The following ZGPAT variants were observed in gnomAD, a reference collection of about 807,000 sequenced individuals.
The protein encoded by ZGPAT is zinc finger CCCH-type with G patch domain-containing protein.
In ZGPAT, 39 loss-of-function variants were observed where a neutral mutation model predicts 47.9. The observed-to-expected ratio is 0.81, with a 90% CI of 0.63 to 1.06. The LOEUF is 1.06. Among genes scored for constraint, ZGPAT ranks in the 50% least tolerant of loss-of-function variants. The pLI, the probability that ZGPAT is intolerant of heterozygous loss-of-function variation, is 0.00. For synonymous variants in ZGPAT, 348 were observed against 292.9 expected, an observed-to-expected ratio of 1.19 and a Z score of -1.92; for missense variants, 717 against 681.4, an observed-to-expected ratio of 1.05 and a Z score of -0.58.
At chr20:63,720,159 A>G (rs2145660682) in intron 2 of ZGPAT, among the ~76,000 whole-genome samples, 1 of 150,196 alleles carries the variant, frequency 6.7e-6, no homozygotes, top group East Asian at 2.0e-4. Flanking sequence ...ATTTTTTTTA[A>G]TTTTCTTTTT....
In ZGPAT at chr20:63,723,925, G is replaced by A. The variant is rs151229819; in HGVS notation, c.585-9294G>A. The stretch of plus-strand genomic sequence containing the variant: ...TCTCCACCAAAATTACAAAAAATTA[G>A]TCTGGCATGGTGGCACGCGCCTGTA... On this transcript the variant is annotated intron_variant, in intron 2 of 6. Transcript: ENST00000355969. Among the ~76,000 whole-genome samples the A allele has an allele frequency of 2.4e-3, 364 of 152,006 alleles. 1 individual carries two copies. The highest frequency in any genetic ancestry group is 8.4e-3 in the African/African-American group (347 of 41,448).
At chr20:63,732,722 GTA>G (rs544332580) in intron 2 of ZGPAT, among the ~76,000 whole-genome samples, 99 of 151,344 alleles carry the variant, frequency 6.5e-4, no homozygotes, top group South Asian at 4.8e-3. Flanking sequence ...TTGTGTATGT[GTA>G]TATGTGTATG....
At chr20:63,729,341 C>G (rs2091874582) in intron 2 of ZGPAT, among the ~76,000 whole-genome samples, 1 of 152,158 alleles carries the variant, frequency 6.6e-6, no homozygotes, top group Admixed American at 6.5e-5. Context: ...ATATTCGATT[C>G]AACGACCTCT....
chr20:63,713,664 A>G (rs2091694636), intron 2 of ZGPAT, among the ~76,000 whole-genome samples: 1 of 151,472 alleles, frequency 6.6e-6, no homozygotes, highest in Non-Finnish European at 1.5e-5. Context: ...TGTGGTCAGG[A>G]GTTCGAGACC....
At chr20:63,724,493 G>A (rs1214549180) in intron 2 of ZGPAT, among the ~76,000 whole-genome samples, 2 of 151,970 alleles carry the variant, frequency 1.3e-5, no homozygotes, top group South Asian at 2.1e-4. Flanking sequence ...ACCAGCCTGG[G>A]CAACATAGCG....
chr20:63,717,493 GT>G (rs2091743170), intron 2 of ZGPAT, among the ~76,000 whole-genome samples: 1 of 151,866 alleles, frequency 6.6e-6, no homozygotes, highest in South Asian at 2.1e-4. Flanking sequence ...CGGCCAAGGT[GT>G]TTCTTTTTGA....
chr20:63,708,158 C>G (rs2091588003), intron 1 of ZGPAT, 40 bp downstream of exon 1: 1 of 152,516 alleles, frequency 6.6e-6, no homozygotes, highest in African/African-American at 2.4e-5. Context: ...GCTGGGAAAC[C>G]GCGCGGAGGA....
At chr20:63,709,408 C>T (rs1250245232) in intron 2 of ZGPAT, among the ~76,000 whole-genome samples, 8 of 152,150 alleles carry the variant, frequency 5.3e-5, no homozygotes, top group Admixed American at 3.3e-4. Context: ...GAAGCCGAGG[C>T]GGGCAGATCA....
rs910632990 is a variant in ZGPAT at position 63,736,069 on chromosome 20, A to G, written c.*150A>G. 12 of 1,131,178 alleles carry G rather than the reference A, an allele frequency of 1.1e-5. No individual in the cohort carries two copies. The highest frequency in any genetic ancestry group is 1.5e-5 in the Non-Finnish European group (12 of 807,606). The allele number at this position is 1,131,178 out of a possible 1,614,324, so 70.1% of individuals were successfully genotyped here. ...CAGAGCTGCGGGGTCCCATCTGGAC[A>G]CTTACTTGCCCACCTGCCAGTGTCT... On this transcript the variant is annotated 3_prime_UTR_variant, in exon 7 of 7. Coordinates refer to ENST00000355969, the MANE Select transcript of ZGPAT (RefSeq NM_181485.3).
At position 63,733,276 on chromosome 20, in the gene ZGPAT, C is replaced by G; in HGVS notation, c.642C>G (p.Asp214Glu). ...LDELRPFQDP[D>E]LSSLQAGSAC... ...AGCTGCGCCCCTTCCAGGACCCAGA[C>G]CTGAGCTCCCTGCAGGCCGGCTCTG... The change falls in exon 3 of 7, where the codon GAC becomes GAG. Residue 214 changes from aspartate to glutamate, a missense_variant. Asp to Glu is a conservative substitution (Grantham distance 45). Coordinates refer to ENST00000355969, the MANE Select transcript of ZGPAT (RefSeq NM_181485.3). 1 of 1,613,818 alleles carries G rather than the reference C, an allele frequency of 6.2e-7. No individual in the cohort carries two copies. Among genetic ancestry groups the G allele is most frequent in the Non-Finnish European group, 8.5e-7 (1 of 1,179,978 alleles).
intron 2 of ZGPAT, among the ~76,000 whole-genome samples, chr20:63,710,866 T>A (rs2145636444): frequency 6.6e-6 from 1 of 152,342 alleles, no homozygotes; most frequent in Middle Eastern, 3.4e-3. Context: ...CTGTAATGTC[T>A]CTATTTCCCT....
chr20:63,713,834 G>A (rs1245625130), intron 2 of ZGPAT, among the ~76,000 whole-genome samples: 1 of 148,096 alleles, frequency 6.8e-6, no homozygotes. Context: ...TCGCGCCATT[G>A]CACTCCAGCT....
At chr20:63,727,248 C>CA (rs2091854914) in intron 2 of ZGPAT, among the ~76,000 whole-genome samples, 1 of 132,224 alleles carries the variant, frequency 7.6e-6, no homozygotes, top group African/African-American at 2.7e-5. Context: ...TTCTTTTTTT[C>CA]TTTTTTTTTT....
rs148690027 is a variant in ZGPAT at position 63,709,122 on chromosome 20, C to G, written c.542C>G (p.Pro181Arg). 4.3e-6 allele frequency: 7 copies of G among 1,612,692 alleles called. No individual in the cohort carries two copies. Among genetic ancestry groups the G allele is most frequent in the South Asian group, 1.1e-5 (1 of 91,086 alleles). ...ACTCACAAGTCTCTGAAGCCGTGCC[C>G]GTTCTTCCTGGAGGGAAAGTGCCGC... ...YPTHKSLKPC[P>R]FFLEGKCRFK... The change falls in exon 2 of 7, where the codon CCG becomes CGG. Residue 181 changes from proline (P) to arginine (R), a missense_variant. Coordinates refer to ENST00000355969, the MANE Select transcript of ZGPAT (RefSeq NM_181485.3).
intron 2 of ZGPAT, among the ~76,000 whole-genome samples, chr20:63,726,658 G>T (rs543677824): frequency 1.9e-4 from 29 of 151,788 alleles, no homozygotes; most frequent in Non-Finnish European, 3.4e-4. Context: ...CAGTAGCTGG[G>T]ACTGCAGGCA....
intron 2 of ZGPAT, among the ~76,000 whole-genome samples, chr20:63,709,785 C>T (rs186464365): frequency 1.3e-5 from 2 of 151,838 alleles, no homozygotes; most frequent in African/African-American, 4.8e-5. Context: ...CTCAACCGAT[C>T]CTCCTGCCTC....
chr20:63,733,151 G>C, intron 2 of ZGPAT, 68 bp from the exon 3 acceptor site: 1 of 1,580,706 alleles, frequency 6.3e-7, no homozygotes, highest in South Asian at 1.1e-5. Context: ...GGATGGGTCA[G>C]TGCTCCTGGG....
At chr20:63,711,678 G>A (rs2091669769) in intron 2 of ZGPAT, among the ~76,000 whole-genome samples, 1 of 151,752 alleles carries the variant, frequency 6.6e-6, no homozygotes, top group Non-Finnish European at 1.5e-5. Context: ...CACCTCCTGG[G>A]TTCAAGGGAT....
At chr20:63,734,006 T>A (rs2145703039) in intron 4 of ZGPAT, 1 of 469,798 alleles carries the variant, frequency 2.1e-6, no homozygotes, top group Non-Finnish European at 3.8e-6. Flanking sequence ...GGGCCTGGAG[T>A]TGCCGAGGAA....
Sources: gnomAD v4.1 joint callset for allele counts (sites outside exome capture counted in the v4.1 genomes callset) on GRCh38, gnomAD v4.1.1 for gene constraint, MANE v1.5 for transcripts, NCBI Gene and HGNC (gene_info 2026-07-23, HGNC 2026-07-21) for gene names.